NRP2: variants seen among roughly 807,000 people sequenced by gnomAD.
NRP2 encodes the protein neuropilin 2.
A neutral mutation model predicts 110.4 loss-of-function variants in NRP2; 52 were observed. The observed-to-expected ratio is 0.47, with a 90% CI of 0.38 to 0.59. NRP2 has a LOEUF of 0.59. Ranked by LOEUF, NRP2 falls within the 20% of genes least tolerant of loss-of-function variation. The pLI, the probability that NRP2 is intolerant of heterozygous loss-of-function variation, is 0.00. For synonymous variants in NRP2, 508 were observed against 468.9 expected (o/e 1.08, Z -1.08); for missense variants, 1,049 against 1,203.0 (o/e 0.87, Z 1.89).
At position 205,685,056 on chromosome 2, in the gene NRP2, C is replaced by T. The variant is rs915601918; in HGVS notation, c.73+1693C>T. 2.0e-5 allele frequency among the ~76,000 whole-genome samples: 3 copies of T among 152,316 alleles called. No individual in the cohort carries two copies. In the South Asian group the frequency reaches 6.2e-4, roughly 32 times the overall value. On this transcript the variant is annotated intron_variant, in intron 1 of 16. Transcript: ENST00000357785. ...GTGAAGACTCAGGGGCCATCTCCTA[C>T]CCCAGATGTTCGCACATCTGTCCCC...
chr2:205,772,878 C>T (rs1053999940), intron 15 of NRP2, among the ~76,000 whole-genome samples: 6 of 152,214 alleles, frequency 3.9e-5, no homozygotes, highest in Non-Finnish European at 8.8e-5. Flanking sequence ...CATAGAGGTG[C>T]CACATGAGCT....
At chr2:205,705,740 T>C (rs1164143410) in intron 2 of NRP2, among the ~76,000 whole-genome samples, 1 of 152,062 alleles carries the variant, frequency 6.6e-6, no homozygotes, top group African/African-American at 2.4e-5. Context: ...ATCACACAGA[T>C]AGTAATCGTG....
chr2:205,788,581 G>C (rs1398264639), intron 15 of NRP2, among the ~76,000 whole-genome samples: 1 of 152,174 alleles, frequency 6.6e-6, no homozygotes, highest in Non-Finnish European at 1.5e-5. Context: ...CTATCAATCA[G>C]ACAGATAAAG....
chr2:205,725,222 C>T lies in NRP2; in HGVS notation c.821-691C>T, dbSNP rs2057105389. The stretch of plus-strand genomic sequence containing the variant: ...CACAGAGTAAAGAATAGGTTGATAC[C>T]TGATAAGGATTGCTGGCCGATCTTA... On this transcript the variant is annotated intron_variant, in intron 5 of 16. Coordinates refer to ENST00000357785, the MANE Select transcript of NRP2 (RefSeq NM_003872.3). The surrounding 1 kb of genome is among the most constrained non-coding windows in gnomAD (Gnocchi z 4.1). 6.6e-6 allele frequency among the ~76,000 whole-genome samples: 1 copy of T among 152,124 alleles called. No homozygotes were observed. The highest frequency in any genetic ancestry group is 2.1e-4 in the South Asian group (1 of 4,828).
At chr2:205,721,360 T>C (rs2057008095) in intron 3 of NRP2, among the ~76,000 whole-genome samples, 1 of 152,302 alleles carries the variant, frequency 6.6e-6, no homozygotes, top group East Asian at 1.9e-4. Flanking sequence ...TTTCTTCTTT[T>C]AAAATCTGAA....
chr2:205,750,548 TA>T, intron 11 of NRP2, among the ~76,000 whole-genome samples: 1 of 152,304 alleles, frequency 6.6e-6, no homozygotes, highest in South Asian at 2.1e-4. Context: ...CCAAGTTAGA[TA>T]AAAACAATAA....
At position 205,752,937 on chromosome 2, in the gene NRP2, G is replaced by T. The variant is rs780495259; in HGVS notation, c.2006G>T (p.Trp669Leu). 3 of 1,613,900 alleles carry T rather than the reference G, an allele frequency of 1.9e-6. No individual in the cohort carries two copies. The Admixed American group carries it at 5.0e-5, about 27-fold the overall frequency. The part of the protein sequence containing the change: ...YDHAKWLRTT[W>L]ASSSSPNDRT... ...CATGCCAAGTGGCTCCGGACCACCTGGGCCAGCAGCTCCAGCCCAAACGAC... is the reference window on the plus strand; with the variant it reads ...CATGCCAAGTGGCTCCGGACCACCTTGGCCAGCAGCTCCAGCCCAAACGAC... Residue 669 changes from tryptophan (W) to leucine (L), a missense_variant, in exon 12 of 17, where the codon TGG becomes TTG. Coordinates refer to ENST00000357785, the MANE Select transcript of NRP2 (RefSeq NM_003872.3).
intron 7 of NRP2, among the ~76,000 whole-genome samples, chr2:205,733,779 C>A (rs1333159921): frequency 2.0e-5 from 3 of 152,004 alleles, no homozygotes; most frequent in African/African-American, 7.3e-5. Flanking sequence ...TGCTCCTCCC[C>A]CGCCTGCTCT....
chr2:205,754,612 A>G (rs1472208781), intron 12 of NRP2, among the ~76,000 whole-genome samples: 7 of 152,160 alleles, frequency 4.6e-5, no homozygotes, highest in Non-Finnish European at 1.0e-4. Context: ...GGGAAAAAAT[A>G]CTTATTTTTA....
intron 15 of NRP2, chr2:205,776,205 T>C: frequency 6.4e-7 from 1 of 1,557,586 alleles, no homozygotes; most frequent in Non-Finnish European, 8.8e-7. Context: ...TTAGTCTGCA[T>C]GCTCTCAGCC....
intron 3 of NRP2, among the ~76,000 whole-genome samples, chr2:205,716,864 G>T (rs1463827156): frequency 6.6e-6 from 1 of 152,040 alleles, no homozygotes; most frequent in African/African-American, 2.4e-5. Context: ...ATTAAAATAA[G>T]GTTCCTAGAA....
At chr2:205,775,447 CCTCT>C (rs1254203929) in intron 15 of NRP2, among the ~76,000 whole-genome samples, 1 of 151,956 alleles carries the variant, frequency 6.6e-6, no homozygotes, top group South Asian at 2.1e-4. Flanking sequence ...GATTTCCCTC[CCTCT>C]CTCTCTCACT....
At chr2:205,740,893 A>G (rs1466803124) in intron 8 of NRP2, among the ~76,000 whole-genome samples, 1 of 152,262 alleles carries the variant, frequency 6.6e-6, no homozygotes, top group East Asian at 1.9e-4. Flanking sequence ...AACTAGGTAC[A>G]GATGCCATTC....
chr2:205,706,755 G>T (rs1349123607), intron 2 of NRP2, among the ~76,000 whole-genome samples: 2 of 152,126 alleles, frequency 1.3e-5, no homozygotes, highest in African/African-American at 4.8e-5. Flanking sequence ...GTTAAATGGT[G>T]GGGTACTGAG....
chr2:205,728,930 T>C (rs939841110), intron 7 of NRP2, among the ~76,000 whole-genome samples: 1 of 152,128 alleles, frequency 6.6e-6, no homozygotes. Flanking sequence ...GGGCTGCCTG[T>C]CCTTCCCTAA....
chr2:205,762,409 G>A (rs1232615275), intron 12 of NRP2: 1 of 152,188 alleles, frequency 6.6e-6, no homozygotes, highest in Non-Finnish European at 1.5e-5. Flanking sequence ...AGGTCAGCAG[G>A]ATTAACAACA....
intron 16 of NRP2, among the ~76,000 whole-genome samples, chr2:205,793,519 CAT>C (rs1215367470): frequency 1.3e-5 from 2 of 152,164 alleles, no homozygotes; most frequent in East Asian, 3.9e-4. Flanking sequence ...TTACAACAGA[CAT>C]ATATTTTCTC....
Position 205,749,890 on chromosome 2 carries a change from G to A in NRP2, c.1903+49G>A, listed in dbSNP as rs1482387904. 7.7e-6 allele frequency: 11 copies of A among 1,435,602 alleles called. 1 individual carries two copies. In the South Asian group the frequency reaches 1.3e-4, roughly 16 times the overall value. 88.9% of individuals were successfully genotyped at this position (1,435,602 alleles called of 1,614,324 possible). Reference sequence around the variant, plus strand: ...GGCATGGGTGCGGACTAGTCAGAGTGGGAGCTGGCCTGTGGCTGGACAGGG... The same window carrying A: ...GGCATGGGTGCGGACTAGTCAGAGTAGGAGCTGGCCTGTGGCTGGACAGGG... On this transcript the variant is annotated intron_variant, in intron 11 of 16. Coordinates refer to ENST00000357785, the MANE Select transcript of NRP2 (RefSeq NM_003872.3).
At chr2:205,767,504 G>C (rs893019131) in intron 15 of NRP2, 8 of 489,516 alleles carry the variant, frequency 1.6e-5, no homozygotes, top group Non-Finnish European at 3.3e-5. Flanking sequence ...CAGAAAGGAC[G>C]TGTTCTCCCC....
Sources: gnomAD v4.1 joint callset for allele counts (sites outside exome capture counted in the v4.1 genomes callset) on GRCh38, gnomAD v4.1.1 for gene constraint, Gnocchi (gnomAD v3.1) non-coding constraint, MANE v1.5 for transcripts, NCBI Gene and HGNC (gene_info 2026-07-23, HGNC 2026-07-21) for gene names.